DCUN1D4: variants seen among roughly 807,000 people sequenced by gnomAD.
The protein encoded by DCUN1D4 is DCN1-like protein 4.
A neutral mutation model predicts 47.9 loss-of-function variants in DCUN1D4; 22 were observed. That is an observed-to-expected ratio of 0.46 (90% confidence interval 0.33 to 0.66). The LOEUF (loss-of-function observed/expected upper bound fraction) is 0.66. Ranked by LOEUF, DCUN1D4 falls within the 30% of genes least tolerant of loss-of-function variation. The pLI is 0.02. For missense variants in DCUN1D4, 301 were observed against 340.8 expected (o/e 0.88, Z 0.92); for synonymous variants, 121 against 112.2 (o/e 1.08, Z -0.50).
intron 5 of DCUN1D4, 78 bp from the exon 6 acceptor site, chr4:51,886,490 G>A (rs1729494677): frequency 1.6e-6 from 2 of 1,230,882 alleles, no homozygotes; most frequent in Non-Finnish European, 2.3e-6. Flanking sequence ...CTTACTTGTT[G>A]ACAGTATAAT....
At chr4:51,842,644 G>C (rs542883868), upstream of DCUN1D4, among the ~76,000 whole-genome samples, 1 of 152,220 alleles carries the variant, frequency 6.6e-6, no homozygotes, top group Non-Finnish European at 1.5e-5. Flanking sequence ...GACAAGTGGC[G>C]GGAGACCCGG....
At chr4:51,858,427 G>C (rs1416113347) in intron 1 of DCUN1D4, among the ~76,000 whole-genome samples, 3 of 152,146 alleles carry the variant, frequency 2.0e-5, no homozygotes, top group African/African-American at 7.2e-5. Flanking sequence ...ATGAGTAGAA[G>C]ATGAGATTGG....
chr4:51,844,359 T>G (rs1722148201), intron 1 of DCUN1D4: 1 of 983,732 alleles, frequency 1.0e-6, no homozygotes, highest in Admixed American at 6.2e-5. Context: ...TGCCCTAAGG[T>G]TGGAACTGGC....
intron 1 of DCUN1D4, among the ~76,000 whole-genome samples, chr4:51,854,243 T>C (rs754668024): frequency 6.6e-6 from 1 of 152,256 alleles, no homozygotes; most frequent in African/African-American, 2.4e-5. Context: ...AAATTGGTAT[T>C]GTAAATCATT....
At chr4:51,903,688 T>C (rs1732451676) in intron 8 of DCUN1D4, among the ~76,000 whole-genome samples, 2 of 152,180 alleles carry the variant, frequency 1.3e-5, no homozygotes, top group African/African-American at 4.8e-5. Flanking sequence ...ATTTTTTCAG[T>C]TTTTTCTGTG....
intron 2 of DCUN1D4, 66 bp downstream of exon 2, chr4:51,863,573 T>C: frequency 1.3e-6 from 2 of 1,578,138 alleles, no homozygotes; most frequent in South Asian, 2.3e-5. Context: ...TAAGTGTATT[T>C]GATAAAAATT....
At chr4:51,896,250 A>T (rs1252821142) in intron 7 of DCUN1D4, among the ~76,000 whole-genome samples, 1 of 152,226 alleles carries the variant, frequency 6.6e-6, no homozygotes, top group Non-Finnish European at 1.5e-5. Context: ...ACATAGGGAC[A>T]TCTTTTTGCC....
intron 5 of DCUN1D4, among the ~76,000 whole-genome samples, chr4:51,883,744 T>G (rs1729050536): frequency 6.6e-6 from 1 of 152,202 alleles, no homozygotes. Context: ...ATGTATATAT[T>G]CCATGCATAT....
At position 51,843,216 on chromosome 4, in the gene DCUN1D4, G is replaced by T; in HGVS notation, c.-27G>T. On this transcript the variant is annotated 5_prime_UTR_variant, in exon 1 of 11. Transcript: ENST00000334635. ...GCGAGGCGAGCGCGGGAGCCTGGGC[G>T]GCGAGCCGGGTGTGAGCTGCCTGAA... 9 of 1,540,436 alleles carry T rather than the reference G, an allele frequency of 5.8e-6. No homozygotes were observed. The highest frequency in any genetic ancestry group is 7.9e-6 in the Non-Finnish European group (9 of 1,143,338).
intron 1 of DCUN1D4, among the ~76,000 whole-genome samples, chr4:51,858,194 A>G (rs999634612): frequency 6.6e-6 from 1 of 152,320 alleles, no homozygotes; most frequent in East Asian, 1.9e-4. Flanking sequence ...TGATACATGC[A>G]TAATTGTGGA....
Position 51,911,105 on chromosome 4 carries a change from C to G in DCUN1D4, c.651C>G (p.Ala217=). ...KDQRSLDINT[A]KCMLGLLLGK... is the part of the protein sequence containing the mutation. The stretch of plus-strand genomic sequence containing the variant: ...AGCGCAGCCTAGACATAAACACTGC[C>G]AAGTGCATGTTGGGACTGTTATTAG... The change falls in exon 9 of 11, where the codon GCC becomes GCG. Residue 217 remains alanine (A), a synonymous_variant. Coordinates refer to ENST00000334635, the MANE Select transcript of DCUN1D4 (RefSeq NM_001040402.3). The G allele has an allele frequency of 6.2e-7, 1 of 1,613,448 alleles. No individual in the cohort carries two copies. Among genetic ancestry groups the G allele is most frequent in the Non-Finnish European group, 8.5e-7 (1 of 1,179,736 alleles).
At chr4:51,845,035 C>T (rs1433941950) in intron 1 of DCUN1D4, 3 of 985,492 alleles carry the variant, frequency 3.0e-6, no homozygotes, top group Non-Finnish European at 3.6e-6. Context: ...GTTCTTGGTC[C>T]CCAAGTGAAT....
chr4:51,908,450 T>G (rs1372459320), intron 8 of DCUN1D4, among the ~76,000 whole-genome samples: 1 of 152,152 alleles, frequency 6.6e-6, no homozygotes, highest in Non-Finnish European at 1.5e-5. Flanking sequence ...ATTCTGACCT[T>G]GGGATCCAGG....
At chr4:51,904,357 T>C (rs1327644774) in intron 8 of DCUN1D4, among the ~76,000 whole-genome samples, 1 of 152,178 alleles carries the variant, frequency 6.6e-6, no homozygotes, top group Admixed American at 6.5e-5. Context: ...TCATTTGCAA[T>C]GTTTCTTTTC....
chr4:51,863,705 A>G lies in DCUN1D4; in HGVS notation c.132A>G (p.Gln44=). ...AAGACATTGGCCAAGACGATCACCAAACAGGTATCTGTAAATGCTAACACT... is the reference window on the plus strand; with the variant it reads ...AAGACATTGGCCAAGACGATCACCAGACAGGTATCTGTAAATGCTAACACT... ...LTEDIGQDDH[Q]TGSLRSCSSS... Residue 44 remains glutamine (Q), a synonymous_variant, in exon 3 of 11, where the codon CAA becomes CAG. Coordinates refer to ENST00000334635, the MANE Select transcript of DCUN1D4 (RefSeq NM_001040402.3). 6.2e-7 allele frequency: 1 copy of G among 1,613,112 alleles called. No individual in the cohort carries two copies. Among genetic ancestry groups the G allele is most frequent in the Non-Finnish European group, 8.5e-7 (1 of 1,179,688 alleles).
rs186979824 is a variant in DCUN1D4 at position 51,845,234 on chromosome 4, C to A, written c.25+1967C>A. The A allele has an allele frequency of 4.1e-6, 4 of 985,348 alleles. No homozygotes were observed. The East Asian group carries it at 4.5e-4, about 112-fold the overall frequency. The allele number at this position is 985,348 out of a possible 1,614,324, so 61.0% of individuals were successfully genotyped here. On this transcript the variant is annotated intron_variant, in intron 1 of 10. Coordinates refer to ENST00000334635, the MANE Select transcript of DCUN1D4 (RefSeq NM_001040402.3). The stretch of plus-strand genomic sequence containing the variant: ...GCATTCCCTTGCATAAATATGAGAA[C>A]ACAGTGGAGGTACACGTAACCCTTG...
intron 1 of DCUN1D4, among the ~76,000 whole-genome samples, chr4:51,855,942 G>A (rs534140022): frequency 6.6e-6 from 1 of 152,120 alleles, no homozygotes; most frequent in Non-Finnish European, 1.5e-5. Context: ...AACAATTTTT[G>A]TTTTCTTTTC....
chr4:51,883,008 G>A (rs187068292), intron 5 of DCUN1D4, among the ~76,000 whole-genome samples: 1 of 152,234 alleles, frequency 6.6e-6, no homozygotes, highest in Admixed American at 6.5e-5. Flanking sequence ...ATATTCTTCA[G>A]TCTCACAGCC....
intron 1 of DCUN1D4, among the ~76,000 whole-genome samples, chr4:51,854,008 C>T (rs1234249409): frequency 2.0e-5 from 3 of 152,142 alleles, no homozygotes; most frequent in African/African-American, 4.8e-5. Context: ...TTATCCATTT[C>T]GTAGAAAAAG....
Sources: gnomAD v4.1 joint callset for allele counts (sites outside exome capture counted in the v4.1 genomes callset) on GRCh38, gnomAD v4.1.1 for gene constraint, MANE v1.5 for transcripts, NCBI Gene and HGNC (gene_info 2026-07-23, HGNC 2026-07-21) for gene names.